Variants in PKHD1 observed in about 807,000 individuals in gnomAD.
The protein encoded by PKHD1 is PKHD1 ciliary IPT domain containing fibrocystin/polyductin.
PKHD1 carries 291 observed loss-of-function variants against 412.0 expected under a neutral mutation model. The ratio of observed to expected loss-of-function variants is 0.71; its 90% CI spans 0.64 to 0.78. PKHD1 has a LOEUF of 0.78. PKHD1 is among the 30% of genes least tolerant of loss of function. The probability of loss-of-function intolerance (pLI) is 0.00; values close to 1 mark genes in which losing one functional copy is unlikely to be tolerated. For synonymous variants in PKHD1, 1,777 were observed against 1,821.5 expected (o/e 0.98, Z 0.62); for missense variants, 4,825 against 4,950.7 (o/e 0.97, Z 0.76).
intron 60 of PKHD1, among the ~76,000 whole-genome samples, chr6:51,696,368 G>T (rs1479431364): frequency 1.3e-5 from 2 of 152,110 alleles, no homozygotes; most frequent in Non-Finnish European, 2.9e-5. Context: ...CTTCCAGAAG[G>T]TTAGTTCTCA....
At chr6:51,719,049 A>G (rs1177171645) in intron 60 of PKHD1, among the ~76,000 whole-genome samples, 1 of 152,158 alleles carries the variant, frequency 6.6e-6, no homozygotes, top group Non-Finnish European at 1.5e-5. Flanking sequence ...TCTGGATACT[A>G]ATATATTAAC....
At chr6:51,936,179 G>GAATT (rs1787449156) in intron 36 of PKHD1, among the ~76,000 whole-genome samples, 2 of 152,200 alleles carry the variant, frequency 1.3e-5, no homozygotes, top group African/African-American at 4.8e-5. Flanking sequence ...GTGAATGAAT[G>GAATT]AATGGACATA....
chr6:51,973,715 C>A (rs938273611), intron 35 of PKHD1, among the ~76,000 whole-genome samples: 1 of 152,206 alleles, frequency 6.6e-6, no homozygotes, highest in African/African-American at 2.4e-5. Flanking sequence ...ATTCTCCCAA[C>A]TTTGGGGAAT....
At chr6:51,915,794 G>A (rs1344054921) in intron 37 of PKHD1, among the ~76,000 whole-genome samples, 1 of 151,958 alleles carries the variant, frequency 6.6e-6, no homozygotes, top group African/African-American at 2.4e-5. Flanking sequence ...AGCCAAAGTA[G>A]GAGGAAAAGA....
chr6:52,049,724 T>C (rs1036413554), intron 22 of PKHD1, among the ~76,000 whole-genome samples: 1 of 152,204 alleles, frequency 6.6e-6, no homozygotes, highest in Non-Finnish European at 1.5e-5. Flanking sequence ...TTTTCTTCTC[T>C]AGACATTTCA....
intron 60 of PKHD1, among the ~76,000 whole-genome samples, chr6:51,689,331 T>C (rs1229487018): frequency 1.3e-5 from 2 of 152,170 alleles, no homozygotes; most frequent in African/African-American, 4.8e-5. Flanking sequence ...AAACTAATTA[T>C]TGAAGGAACA....
intron 52 of PKHD1, among the ~76,000 whole-genome samples, chr6:51,815,644 G>C (rs1765338819): frequency 6.6e-6 from 1 of 152,064 alleles, no homozygotes; most frequent in Non-Finnish European, 1.5e-5. Context: ...GATCACAAAG[G>C]GCTCTGCAGT....
At position 51,615,514 on chromosome 6, in the gene PKHD1, CAT is replaced by C. The variant is rs1033369158; in HGVS notation, c.*3565_*3566del. ...GTGCTTATAGTTTTTTCAAAATTGG[CAT>C]AGACTATAAGTTCTGAAAGCAAAAT... On this transcript the variant is annotated 3_prime_UTR_variant, in exon 67 of 67. Transcript: ENST00000371117. The C allele has an allele frequency of 4.6e-5, 7 of 152,102 alleles. No individual in the cohort carries two copies. Among genetic ancestry groups the C allele is most frequent in the African/African-American group, 1.7e-4 (7 of 41,406 alleles). The allele number at this position is 152,102 out of a possible 1,614,324, so 9.4% of individuals were successfully genotyped here.
chr6:51,755,308 C>G (rs1373661287), intron 55 of PKHD1, among the ~76,000 whole-genome samples: 2 of 152,144 alleles, frequency 1.3e-5, no homozygotes, highest in Admixed American at 6.5e-5. Context: ...GAACTTTTCT[C>G]TAATTTTCTA....
At position 51,867,991 on chromosome 6, in the gene PKHD1, G is replaced by C; in HGVS notation, c.7605C>G (p.Asn2535Lys). 2 of 1,613,300 alleles carry C rather than the reference G, an allele frequency of 1.2e-6. No individual in the cohort carries two copies. The highest frequency in any genetic ancestry group is 8.5e-7 in the Non-Finnish European group (1 of 1,179,336). ...CCATAGAAGCAAGAATGTGACTTCT[G>C]TTTTTCCCAGACAGAGACCCATCCA... ...EDLDGSLSGK[N>K]RSHILASMET... Residue 2535 changes from asparagine (N) to lysine (K), a missense_variant, in exon 48 of 67, where the codon AAC becomes AAG. Coordinates refer to ENST00000371117, the MANE Select transcript of PKHD1 (RefSeq NM_138694.4).
chr6:51,961,600 T>C (rs994541133), intron 35 of PKHD1, among the ~76,000 whole-genome samples: 1 of 152,078 alleles, frequency 6.6e-6, no homozygotes, highest in Non-Finnish European at 1.5e-5. Flanking sequence ...CTTATAAGGC[T>C]ATATATATTA....
intron 35 of PKHD1, among the ~76,000 whole-genome samples, chr6:52,004,044 A>C (rs1294895351): frequency 3.3e-5 from 5 of 152,140 alleles, no homozygotes. Context: ...TTTTCACCAA[A>C]TTTAGAAAAT....
Position 51,706,789 on chromosome 6 carries a change from G to A in PKHD1, c.10156+37596C>T, listed in dbSNP as rs756320659. On this transcript the variant is annotated intron_variant, in intron 60 of 66. Transcript: ENST00000371117. ...TACTTTAATTCTCTGGAAAGCCGACGAAGTACCATTAGCTTTTATATGTGA... is the reference window on the plus strand; with the variant it reads ...TACTTTAATTCTCTGGAAAGCCGACAAAGTACCATTAGCTTTTATATGTGA... Among the ~76,000 whole-genome samples, 9 of 152,214 alleles carry A rather than the reference G, an allele frequency of 5.9e-5. No homozygotes were observed. The East Asian group carries it at 9.6e-4, about 16-fold the overall frequency.
At chr6:51,992,416 T>G (rs1797151386) in intron 35 of PKHD1, among the ~76,000 whole-genome samples, 1 of 152,196 alleles carries the variant, frequency 6.6e-6, no homozygotes, top group Non-Finnish European at 1.5e-5. Flanking sequence ...TTTATCCAAG[T>G]GAAGTTATGA....
At chr6:52,033,247 T>A in intron 28 of PKHD1, 82 bp from the exon 29 acceptor site, 1 of 1,118,600 alleles carries the variant, frequency 8.9e-7, no homozygotes, top group Non-Finnish European at 1.3e-6. Flanking sequence ...CCATATAGAA[T>A]TAGTTTTAAA....
chr6:51,887,617 C>T (rs1165725662), intron 43 of PKHD1, among the ~76,000 whole-genome samples: 1 of 152,114 alleles, frequency 6.6e-6, no homozygotes, highest in Non-Finnish European at 1.5e-5. Flanking sequence ...AAGTGTACAG[C>T]ACCTTGTGGC....
chr6:52,075,023 C>G (rs1188290450), intron 6 of PKHD1, among the ~76,000 whole-genome samples: 1 of 150,246 alleles, frequency 6.7e-6, no homozygotes, highest in African/African-American at 2.5e-5. Flanking sequence ...CATCCCTCAC[C>G]CTAACAAGAC....
At chr6:51,630,368 G>C (rs567200021) in intron 65 of PKHD1, among the ~76,000 whole-genome samples, 2 of 152,152 alleles carry the variant, frequency 1.3e-5, no homozygotes, top group African/African-American at 2.4e-5. Context: ...AGAGATTCCA[G>C]CTGCCTATTA....
intron 64 of PKHD1, among the ~76,000 whole-genome samples, chr6:51,633,141 CA>C (rs1768125501): frequency 6.6e-6 from 1 of 152,086 alleles, no homozygotes; most frequent in African/African-American, 2.4e-5. Flanking sequence ...CACATCAAAA[CA>C]GGGGCATAGG....
Sources: gnomAD v4.1 joint callset for allele counts (sites outside exome capture counted in the v4.1 genomes callset) on GRCh38, gnomAD v4.1.1 for gene constraint, MANE v1.5 for transcripts, NCBI Gene and HGNC (gene_info 2026-07-23, HGNC 2026-07-21) for gene names.